Variants in TMEM184B observed in about 807,000 individuals in gnomAD.
The protein encoded by TMEM184B is putative MAPK-activating protein FM08.
A neutral mutation model predicts 41.8 loss-of-function variants in TMEM184B; 17 were observed. The ratio of observed to expected loss-of-function variants is 0.41; its 90% CI spans 0.28 to 0.61. The LOEUF (loss-of-function observed/expected upper bound fraction) is 0.61. Among genes scored for constraint, TMEM184B ranks in the 20% least tolerant of loss-of-function variants. The probability of loss-of-function intolerance (pLI) is 0.34; values close to 1 mark genes in which losing one functional copy is unlikely to be tolerated. For missense variants in TMEM184B, 393 were observed against 557.8 expected, an observed-to-expected ratio of 0.70 and a Z score of 2.98; for synonymous variants, 240 against 229.5, an observed-to-expected ratio of 1.05 and a Z score of -0.41.
chr22:38,237,385 G>A (rs1464357299), intron 3 of TMEM184B, among the ~76,000 whole-genome samples: 7 of 152,202 alleles, frequency 4.6e-5, no homozygotes, highest in African/African-American at 1.4e-4. Context: ...ATACACACTC[G>A]CTGTGTGCCT....
At chr22:38,258,647 C>T (rs75951490) in intron 1 of TMEM184B, among the ~76,000 whole-genome samples, 2,198 of 152,206 alleles carry the variant, frequency 0.014, 69 homozygotes, top group African/African-American at 0.05. Context: ...CACAGTGACA[C>T]TCCTGGAAGG....
At chr22:38,232,041 G>T (rs1473646022) in intron 3 of TMEM184B, 1 of 156,394 alleles carries the variant, frequency 6.4e-6, no homozygotes, top group South Asian at 1.9e-4. Flanking sequence ...ATACTTGTGT[G>T]TTACAGGTCA....
At position 38,220,233 on chromosome 22, in the gene TMEM184B, T is replaced by C; in HGVS notation, c.*1236A>G. 1 of 985,790 alleles carries C rather than the reference T, an allele frequency of 1.0e-6. No homozygotes were observed. Among genetic ancestry groups the C allele is most frequent in the Non-Finnish European group, 1.2e-6 (1 of 830,032 alleles). The allele number at this position is 985,790 out of a possible 1,614,324, so 61.1% of individuals were successfully genotyped here. On this transcript the variant is annotated 3_prime_UTR_variant, in exon 9 of 9. Coordinates refer to ENST00000361906, the MANE Select transcript of TMEM184B (RefSeq NM_012264.5). ...AGGTGTGGAGGGGGAGAGGAGGGGCTTGGTGGTCCTGACCACTCCTGAGGC... is the reference window on the plus strand; with the variant it reads ...AGGTGTGGAGGGGGAGAGGAGGGGCCTGGTGGTCCTGACCACTCCTGAGGC...
rs79409900 is a variant in TMEM184B, at chr22:38,249,049, C to T, written c.-58-1030G>A. Among the ~76,000 whole-genome samples the T allele has an allele frequency of 1.0e-2, 1,520 of 152,294 alleles. 16 individuals carry two copies. The highest frequency in any genetic ancestry group is 0.014 in the Non-Finnish European group (962 of 68,028). On this transcript the variant is annotated intron_variant, in intron 1 of 8. Transcript: ENST00000361906. ...CCAGTTCTGAGACTTCTAGCCATTC[C>T]GCATCCTCGAACACGCGGGTCTGTC...
In TMEM184B at chr22:38,255,062, C is replaced by T. The variant is rs142654558; in HGVS notation, c.-58-7043G>A. On this transcript the variant is annotated intron_variant, in intron 1 of 8. Coordinates refer to ENST00000361906, the MANE Select transcript of TMEM184B (RefSeq NM_012264.5). ...TTTTTGAGACGGAGTCTCACTCTGT[C>T]GCCCCAGGCTGGAGGGGCAGTAGCA... is the stretch of plus-strand genomic sequence containing the variant. 3.1e-3 allele frequency among the ~76,000 whole-genome samples: 474 copies of T among 151,882 alleles called. 3 individuals are homozygous for T. The highest frequency in any genetic ancestry group is 0.01 in the Middle Eastern group (3 of 292).
intron 1 of TMEM184B, among the ~76,000 whole-genome samples, chr22:38,261,459 A>G (rs2092367452): frequency 6.6e-6 from 1 of 152,146 alleles, no homozygotes; most frequent in Non-Finnish European, 1.5e-5. Context: ...AGGAAAGCAA[A>G]ATCATCCAAT....
chr22:38,230,841 G>T, intron 4 of TMEM184B, 97 bp from the exon 5 acceptor site: 1 of 1,164,694 alleles, frequency 8.6e-7, no homozygotes, highest in Non-Finnish European at 1.3e-6. Flanking sequence ...CCATCCAGAC[G>T]AGCTGGGGCA....
At chr22:38,257,870 G>A (rs2092308474) in intron 1 of TMEM184B, among the ~76,000 whole-genome samples, 2 of 152,130 alleles carry the variant, frequency 1.3e-5, no homozygotes, top group African/African-American at 4.8e-5. Flanking sequence ...TATAGTGATA[G>A]GCAAAGGCCC....
chr22:38,255,624 A>T (rs1356575957), intron 1 of TMEM184B, among the ~76,000 whole-genome samples: 4 of 152,268 alleles, frequency 2.6e-5, no homozygotes. Flanking sequence ...AAATCTGGGA[A>T]GAACCCATGT....
At position 38,253,196 on chromosome 22, in the gene TMEM184B, C is replaced by A. The variant is rs187091524; in HGVS notation, c.-58-5177G>T. Reference sequence around the variant, plus strand: ...ATAATGGGAGCCGCGGTGGCTCAGGCCGGTTGCCCTGGCACTCGGGGAGGT... The same window carrying A: ...ATAATGGGAGCCGCGGTGGCTCAGGACGGTTGCCCTGGCACTCGGGGAGGT... On this transcript the variant is annotated intron_variant, in intron 1 of 8. Coordinates refer to ENST00000361906, the MANE Select transcript of TMEM184B (RefSeq NM_012264.5). 7.9e-3 allele frequency among the ~76,000 whole-genome samples: 1,202 copies of A among 152,202 alleles called. 24 individuals are homozygous for A. The highest frequency in any genetic ancestry group is 0.028 in the African/African-American group (1,149 of 41,532).
chr22:38,253,329 G>A (rs959582805), intron 1 of TMEM184B, among the ~76,000 whole-genome samples: 11 of 152,126 alleles, frequency 7.2e-5, no homozygotes, highest in African/African-American at 2.7e-4. Context: ...CAGCACTTTG[G>A]GAGGCCAAGG....
At chr22:38,218,863 G>C (rs909267574), downstream of TMEM184B, among the ~76,000 whole-genome samples, 6 of 152,196 alleles carry the variant, frequency 3.9e-5, no homozygotes, top group Non-Finnish European at 7.4e-5. Flanking sequence ...GCCAGGCACT[G>C]TGCCCACAGC....
At chr22:38,217,844 A>AAG (rs1390492414), downstream of TMEM184B, among the ~76,000 whole-genome samples, 54 of 121,548 alleles carry the variant, frequency 4.4e-4, no homozygotes, top group African/African-American at 1.1e-3. Flanking sequence ...AAAAAAAAAA[A>AAG]AAAGAAAAGA....
At chr22:38,237,830 C>T (rs6001060) in intron 3 of TMEM184B, among the ~76,000 whole-genome samples, 1,717 of 148,778 alleles carry the variant, frequency 0.012, 33 homozygotes, top group African/African-American at 0.04. Context: ...GACGGAGTTT[C>T]GCTCTTGTTG....
At chr22:38,228,772 T>C (rs1192135199) in intron 5 of TMEM184B, among the ~76,000 whole-genome samples, 1 of 152,136 alleles carries the variant, frequency 6.6e-6, no homozygotes, top group Non-Finnish European at 1.5e-5. Context: ...CTTATATCTC[T>C]CCCTGCCACC....
intron 1 of TMEM184B, among the ~76,000 whole-genome samples, chr22:38,269,493 C>T (rs949932854): frequency 6.6e-6 from 1 of 152,118 alleles, no homozygotes; most frequent in Non-Finnish European, 1.5e-5. Context: ...GGATTACAGG[C>T]ATGAGCCACC....
rs1262921885 is a variant in TMEM184B, at chr22:38,221,444, G to T, written c.*25C>A. The T allele has an allele frequency of 3.2e-6, 5 of 1,572,470 alleles. No homozygotes were observed. Among genetic ancestry groups the T allele is most frequent in the Non-Finnish European group, 2.6e-6 (3 of 1,158,572 alleles). ...CAGCCTGACCGTGGCTATGGCGCCA[G>T]CACTTCCGCCACTGCAGCCCGCACC... On this transcript the variant is annotated 3_prime_UTR_variant, in exon 9 of 9. Coordinates refer to ENST00000361906, the MANE Select transcript of TMEM184B (RefSeq NM_012264.5).
intron 1 of TMEM184B, among the ~76,000 whole-genome samples, chr22:38,256,508 C>T (rs8136400): frequency 2.6e-5 from 4 of 152,080 alleles, no homozygotes; most frequent in Admixed American, 2.0e-4. Flanking sequence ...GGATTACAGG[C>T]GTGAGCCACC....
chr22:38,271,329 G>A (rs568194749), intron 1 of TMEM184B, among the ~76,000 whole-genome samples: 1 of 152,314 alleles, frequency 6.6e-6, no homozygotes, highest in South Asian at 2.1e-4. Context: ...CAGCAAGAGA[G>A]AGGTCCTGGT....
Sources: gnomAD v4.1 joint callset for allele counts (sites outside exome capture counted in the v4.1 genomes callset) on GRCh38, gnomAD v4.1.1 for gene constraint, MANE v1.5 for transcripts, NCBI Gene and HGNC (gene_info 2026-07-23, HGNC 2026-07-21) for gene names.